Variants in SHLD1 observed in about 807,000 individuals in gnomAD.
SHLD1 encodes the protein RINN1-REV7-interacting novel NHEJ regulator 3.
In SHLD1, 3 loss-of-function variants were observed where a neutral mutation model predicts 5.5. The observed-to-expected ratio is 0.54, with a 90% CI of 0.25 to 1.40. The LOEUF (loss-of-function observed/expected upper bound fraction) is 1.40. SHLD1 is among the 40% of genes most tolerant of loss of function. The probability of loss-of-function intolerance (pLI) is 0.15; values close to 1 mark genes in which losing one functional copy is unlikely to be tolerated. For synonymous variants in SHLD1, 92 were observed against 94.3 expected (o/e 0.98, Z 0.14); for missense variants, 210 against 244.4 (o/e 0.86, Z 0.94).
In SHLD1 at chr20:5,863,076, C is replaced by A; in HGVS notation, c.231C>A (p.Phe77Leu). 1 of 1,614,030 alleles carries A rather than the reference C, an allele frequency of 6.2e-7. No individual in the cohort carries two copies. Among genetic ancestry groups the A allele is most frequent in the Non-Finnish European group, 8.5e-7 (1 of 1,179,958 alleles). ...ATAACTCCTGGACCGCTGAGAACTT[C>A]TGGCTTGACCCTGCTGTGAAAGGCC... is the stretch of plus-strand genomic sequence containing the variant. ...EQNNSWTAEN[F>L]WLDPAVKGQS... The change falls in exon 3 of 3, where the codon TTC (phenylalanine) becomes TTA (leucine). Residue 77 changes from phenylalanine to leucine, a missense_variant. Physicochemically the swap from Phe to Leu is conservative, Grantham distance 22. Transcript: ENST00000303142.
intron 1 of SHLD1, 92 bp from the exon 2 acceptor site, chr20:5,772,770 A>AT (rs1985235132): frequency 1.6e-6 from 2 of 1,231,184 alleles, no homozygotes; most frequent in African/African-American, 3.1e-5. Context: ...TAAAAATAAA[A>AT]AACAAATAAA....
At chr20:5,763,088 C>T (rs961602712) in intron 1 of SHLD1, among the ~76,000 whole-genome samples, 1 of 151,962 alleles carries the variant, frequency 6.6e-6, no homozygotes, top group East Asian at 1.9e-4. Flanking sequence ...AGGCGGATCA[C>T]CTGAGGTCAG....
intron 2 of SHLD1, among the ~76,000 whole-genome samples, chr20:5,802,696 G>C (rs412572): frequency 0.019 from 2,871 of 151,678 alleles, 85 homozygotes; most frequent in African/African-American, 0.066. Flanking sequence ...GCTCAGGCTG[G>C]AGTGCAGTGG....
At chr20:5,853,887 C>G (rs915459819) in intron 2 of SHLD1, among the ~76,000 whole-genome samples, 1 of 151,418 alleles carries the variant, frequency 6.6e-6, no homozygotes, top group Non-Finnish European at 1.5e-5. Flanking sequence ...GTCGCCTAGG[C>G]TGGAGTGCAT....
At chr20:5,826,445 CAAA>C (rs77355613) in intron 2 of SHLD1, among the ~76,000 whole-genome samples, 3 of 122,426 alleles carry the variant, frequency 2.5e-5, no homozygotes, top group African/African-American at 3.0e-5. Flanking sequence ...TATGCACTGT[CAAA>C]AAAAAAAAAA....
At chr20:5,792,118 ATG>A (rs748942080) in intron 2 of SHLD1, among the ~76,000 whole-genome samples, 25 of 152,138 alleles carry the variant, frequency 1.6e-4, no homozygotes, top group Non-Finnish European at 3.4e-4. Flanking sequence ...CTTATCAGAT[ATG>A]TGATTTGCAA....
chr20:5,837,012 C>T (rs941301012), intron 2 of SHLD1, among the ~76,000 whole-genome samples: 1 of 152,096 alleles, frequency 6.6e-6, no homozygotes, highest in South Asian at 2.1e-4. Context: ...AGAAATCATA[C>T]AAGAAATATA....
intron 2 of SHLD1, among the ~76,000 whole-genome samples, chr20:5,790,512 G>T (rs1347617130): frequency 6.9e-6 from 1 of 144,428 alleles, no homozygotes; most frequent in Non-Finnish European, 1.5e-5. Flanking sequence ...GAGTGCAATG[G>T]TGCGATCTCG....
intron 2 of SHLD1, among the ~76,000 whole-genome samples, chr20:5,841,703 G>T (rs537351535): frequency 1.2e-4 from 19 of 152,272 alleles, no homozygotes; most frequent in African/African-American, 4.6e-4. Flanking sequence ...ATAATTTATT[G>T]ACTAAAAGTA....
intron 2 of SHLD1, among the ~76,000 whole-genome samples, chr20:5,803,886 A>T (rs1326142767): frequency 7.1e-6 from 1 of 140,694 alleles, no homozygotes; most frequent in Non-Finnish European, 1.6e-5. Flanking sequence ...AATAAAAAAG[A>T]TTAAAAAAAA....
chr20:5,776,394 G>T (rs1188759470), intron 2 of SHLD1, among the ~76,000 whole-genome samples: 2 of 152,054 alleles, frequency 1.3e-5, no homozygotes, highest in Non-Finnish European at 2.9e-5. Flanking sequence ...TCCTCATATG[G>T]CCTAGAGAGA....
chr20:5,751,637 C>T (rs995707175), intron 1 of SHLD1, among the ~76,000 whole-genome samples: 1 of 152,122 alleles, frequency 6.6e-6, no homozygotes, highest in Non-Finnish European at 1.5e-5. Flanking sequence ...ATTTTCAAAG[C>T]TTGTCTTTGT....
At chr20:5,805,670 G>A (rs1013966580) in intron 2 of SHLD1, among the ~76,000 whole-genome samples, 1 of 152,052 alleles carries the variant, frequency 6.6e-6, no homozygotes, top group Non-Finnish European at 1.5e-5. Context: ...GCGCAATCTC[G>A]GCTCACTGCA....
intron 2 of SHLD1, among the ~76,000 whole-genome samples, chr20:5,856,008 G>A (rs1285956044): frequency 2.0e-5 from 3 of 152,192 alleles, no homozygotes; most frequent in African/African-American, 7.2e-5. Flanking sequence ...CTGTTGGTCT[G>A]GGTTCTGGAG....
intron 2 of SHLD1, among the ~76,000 whole-genome samples, chr20:5,848,482 A>C (rs1023445536): frequency 6.6e-6 from 1 of 152,222 alleles, no homozygotes; most frequent in African/African-American, 2.4e-5. Context: ...TTAATTTTTA[A>C]AAAGTTGGGG....
rs1214269675 is a variant in SHLD1 at position 5,801,641 on chromosome 20, A to C, written c.178+28598A>C. On this transcript the variant is annotated intron_variant, in intron 2 of 2. Transcript: ENST00000303142. ...CAGATGGGCTCTACTGGAAGGAAGAAGCCACAGCTCAAGTGTGCACAGGGC... is the reference window on the plus strand; with the variant it reads ...CAGATGGGCTCTACTGGAAGGAAGACGCCACAGCTCAAGTGTGCACAGGGC... 2.0e-5 allele frequency among the ~76,000 whole-genome samples: 3 copies of C among 152,196 alleles called. No individual in the cohort carries two copies. In the South Asian group the frequency reaches 6.2e-4, roughly 31 times the overall value.
rs2088068074 is a variant in SHLD1, at chr20:5,855,291, T to A, written c.179-7733T>A. Among the ~76,000 whole-genome samples, 1 of 152,226 alleles carries A rather than the reference T, an allele frequency of 6.6e-6. No homozygotes were observed. Among genetic ancestry groups the A allele is most frequent in the South Asian group, 2.1e-4 (1 of 4,830 alleles). On this transcript the variant is annotated intron_variant, in intron 2 of 2. Transcript: ENST00000303142. The surrounding 1 kb of genome is among the most constrained non-coding windows in gnomAD (Gnocchi z 4.4). ...GCATAATGTCCTCAGGGTTCGTTCATGTTGTAGCGTGTGTCACAGTGTCCT... is the reference window on the plus strand; with the variant it reads ...GCATAATGTCCTCAGGGTTCGTTCAAGTTGTAGCGTGTGTCACAGTGTCCT...
chr20:5,783,267 C>G (rs2122279198), intron 2 of SHLD1, among the ~76,000 whole-genome samples: 1 of 152,286 alleles, frequency 6.6e-6, no homozygotes, highest in East Asian at 1.9e-4. Context: ...CTCCATCACC[C>G]AGGCTGGAGT....
intron 2 of SHLD1, among the ~76,000 whole-genome samples, chr20:5,811,700 T>G (rs191492959): frequency 4.0e-5 from 6 of 151,588 alleles, no homozygotes; most frequent in African/African-American, 1.5e-4. Flanking sequence ...ACAAAAAAAT[T>G]TAAAAATTAG....
Sources: allele counts gnomAD v4.1 joint callset (sites outside exome capture counted in the v4.1 genomes callset), GRCh38; gene constraint gnomAD v4.1.1; non-coding constraint Gnocchi (gnomAD v3.1); transcripts MANE v1.5; gene names NCBI Gene and HGNC (gene_info 2026-07-23, HGNC 2026-07-21).